Variants in TMCC1 observed in about 807,000 individuals in gnomAD.
The protein encoded by TMCC1 is transmembrane and coiled-coil domains protein 1.
Under a neutral mutation model 52.4 loss-of-function variants are expected in TMCC1, and 15 were observed. The observed-to-expected ratio is 0.29, with a 90% CI of 0.19 to 0.44. The LOEUF (loss-of-function observed/expected upper bound fraction) is 0.44. TMCC1 is among the 20% of genes least tolerant of loss of function. The pLI, the probability that TMCC1 is intolerant of heterozygous loss-of-function variation, is 1.00. For missense variants in TMCC1, 503 were observed against 806.0 expected (o/e 0.62, Z 4.55); for synonymous variants, 279 against 301.9 (o/e 0.92, Z 0.79).
intron 4 of TMCC1, among the ~76,000 whole-genome samples, chr3:129,797,797 G>A (rs977628340): frequency 3.3e-5 from 5 of 152,126 alleles, no homozygotes; most frequent in Non-Finnish European, 7.3e-5. Context: ...GCAGAAAGAA[G>A]GTTGAACATA....
chr3:129,763,067 A>G (rs1356941948), intron 4 of TMCC1, among the ~76,000 whole-genome samples: 3 of 151,486 alleles, frequency 2.0e-5, no homozygotes, highest in Non-Finnish European at 4.4e-5. Flanking sequence ...GCGTAGTAGC[A>G]GGTGCCTGTA....
At chr3:129,862,938 TAA>T (rs1217080804) in intron 2 of TMCC1, among the ~76,000 whole-genome samples, 1 of 152,204 alleles carries the variant, frequency 6.6e-6, no homozygotes, top group Admixed American at 6.5e-5. Flanking sequence ...TATCCATTTC[TAA>T]AAGTCTAAAG....
chr3:129,697,101 G>A lies in TMCC1; in HGVS notation c.577-25837C>T, dbSNP rs543448015. ...CAGTGCCCCAGTGGGGACTCTGTGT[G>A]GGGGCTCCAACCCCACATTTTCCTT... is the stretch of plus-strand genomic sequence containing the variant. On this transcript the variant is annotated intron_variant, in intron 4 of 6. Coordinates refer to ENST00000393238, the MANE Select transcript of TMCC1 (RefSeq NM_001017395.5). Among the ~76,000 whole-genome samples the A allele has an allele frequency of 1.1e-4, 16 of 152,322 alleles. No homozygotes were observed. The South Asian group carries it at 1.9e-3, about 18-fold the overall frequency.
intron 4 of TMCC1, among the ~76,000 whole-genome samples, chr3:129,723,552 T>TAAAGAA (rs780454551): frequency 0.088 from 13,360 of 152,062 alleles, 648 homozygotes; most frequent in Middle Eastern, 0.15. Flanking sequence ...AACACTGATT[T>TAAAGAA]TCCAGTAACT....
chr3:129,784,035 A>G (rs955423371), intron 4 of TMCC1, among the ~76,000 whole-genome samples: 3 of 152,242 alleles, frequency 2.0e-5, no homozygotes, highest in Admixed American at 2.0e-4. Flanking sequence ...ACTCTGCAGT[A>G]GAATGAAAAC....
intron 4 of TMCC1, among the ~76,000 whole-genome samples, chr3:129,787,037 T>C (rs868096185): frequency 6.6e-6 from 1 of 152,218 alleles, no homozygotes; most frequent in Non-Finnish European, 1.5e-5. Context: ...CCTCCTGGTA[T>C]AAAATTGGGT....
chr3:129,816,531 T>C (rs1271867730), intron 4 of TMCC1, among the ~76,000 whole-genome samples: 2 of 151,890 alleles, frequency 1.3e-5, no homozygotes, highest in Admixed American at 6.6e-5. Context: ...TAAAAAATAG[T>C]GGATCTCATG....
chr3:129,796,166 A>G (rs2056807918), intron 4 of TMCC1, among the ~76,000 whole-genome samples: 1 of 152,210 alleles, frequency 6.6e-6, no homozygotes, highest in Non-Finnish European at 1.5e-5. Context: ...AGCTATGTTT[A>G]GATACACTAA....
At chr3:129,838,646 A>C (rs1312512652) in intron 2 of TMCC1, among the ~76,000 whole-genome samples, 1 of 148,306 alleles carries the variant, frequency 6.7e-6, no homozygotes, top group African/African-American at 2.5e-5. Flanking sequence ...CCAGCTACTC[A>C]GGAGGCTGAG....
chr3:129,760,496 T>TG (rs1560353306), intron 4 of TMCC1, among the ~76,000 whole-genome samples: 92 of 67,124 alleles, frequency 1.4e-3, no homozygotes, highest in African/African-American at 3.3e-3. Flanking sequence ...GTGTGTGTGT[T>TG]TTTGAGACAG....
At chr3:129,703,749 G>A (rs1209939134) in intron 4 of TMCC1, among the ~76,000 whole-genome samples, 1 of 152,200 alleles carries the variant, frequency 6.6e-6, no homozygotes, top group Non-Finnish European at 1.5e-5. Context: ...TTGAATGAGT[G>A]AATGAATAAA....
chr3:129,775,391 C>G (rs1318582766), intron 4 of TMCC1, among the ~76,000 whole-genome samples: 1 of 151,938 alleles, frequency 6.6e-6, no homozygotes, highest in African/African-American at 2.4e-5. Flanking sequence ...TGTCTGAGCC[C>G]AAGAGTTCAA....
chr3:129,659,074 G>A (rs999649568), intron 5 of TMCC1, among the ~76,000 whole-genome samples: 2 of 145,242 alleles, frequency 1.4e-5, no homozygotes, highest in African/African-American at 2.5e-5. Context: ...CAGGGAACCT[G>A]TTTTCCTTTT....
At chr3:129,781,836 C>G (rs2055558040) in intron 4 of TMCC1, among the ~76,000 whole-genome samples, 1 of 151,932 alleles carries the variant, frequency 6.6e-6, no homozygotes, top group South Asian at 2.1e-4. Flanking sequence ...GGGAGACTAG[C>G]TAGGAGGTTA....
intron 2 of TMCC1, among the ~76,000 whole-genome samples, chr3:129,845,877 A>T (rs1430968518): frequency 3.3e-5 from 5 of 152,030 alleles, no homozygotes; most frequent in African/African-American, 9.7e-5. Context: ...ACAAAAAAAA[A>T]TTTTTAAGTG....
chr3:129,761,956 A>T (rs1156648576), intron 4 of TMCC1, among the ~76,000 whole-genome samples: 1 of 126,736 alleles, frequency 7.9e-6, no homozygotes, highest in Non-Finnish European at 1.6e-5. Context: ...GTGCCATTGC[A>T]CTCCAGCCTG....
At chr3:129,810,373 C>A (rs560058386) in intron 4 of TMCC1, among the ~76,000 whole-genome samples, 46 of 151,936 alleles carry the variant, frequency 3.0e-4, no homozygotes, top group South Asian at 6.2e-4. Context: ...CAAAACTAAG[C>A]AAAAATCAAG....
At chr3:129,692,874 G>A (rs889134590) in intron 4 of TMCC1, among the ~76,000 whole-genome samples, 33 of 152,098 alleles carry the variant, frequency 2.2e-4, no homozygotes, top group African/African-American at 7.5e-4. Context: ...ATGGGGTCTT[G>A]CTCTGTTGCC....
At chr3:129,864,659 T>C (rs934295617) in intron 2 of TMCC1, among the ~76,000 whole-genome samples, 15 of 152,084 alleles carry the variant, frequency 9.9e-5, no homozygotes, top group Non-Finnish European at 1.8e-4. Flanking sequence ...AGGAGAATCA[T>C]CTAAGCCCAG....
Sources: gnomAD v4.1 joint callset for allele counts (sites outside exome capture counted in the v4.1 genomes callset) on GRCh38, gnomAD v4.1.1 for gene constraint, MANE v1.5 for transcripts, NCBI Gene and HGNC (gene_info 2026-07-23, HGNC 2026-07-21) for gene names.